Variants in RAB3IP observed in about 807,000 individuals in gnomAD.
RAB3IP encodes rab-3A-interacting protein.
RAB3IP carries 36 observed loss-of-function variants against 59.1 expected under a neutral mutation model. That is an observed-to-expected ratio of 0.61 (90% confidence interval 0.47 to 0.80). RAB3IP has a LOEUF of 0.80. Among genes scored for constraint, RAB3IP ranks in the 30% least tolerant of loss-of-function variants. The probability of loss-of-function intolerance (pLI) is 0.00; values close to 1 mark genes in which losing one functional copy is unlikely to be tolerated. For missense variants in RAB3IP, 511 were observed against 536.0 expected (o/e 0.95, Z 0.46); for synonymous variants, 207 against 191.2 (o/e 1.08, Z -0.68).
intron 3 of RAB3IP, among the ~76,000 whole-genome samples, chr12:69,780,260 A>T (rs1874459966): frequency 2.0e-5 from 3 of 152,074 alleles, no homozygotes; most frequent in African/African-American, 7.2e-5. Flanking sequence ...TAGCAAAAGG[A>T]ACTGGAGCTG....
chr12:69,769,029 A>G (rs931366115), intron 3 of RAB3IP, among the ~76,000 whole-genome samples: 9 of 152,024 alleles, frequency 5.9e-5, no homozygotes, highest in African/African-American at 1.2e-4. Context: ...CTGATACTGA[A>G]TAAGTATGAG....
chr12:69,808,295 T>A (rs10748135), intron 8 of RAB3IP, among the ~76,000 whole-genome samples: 135,137 of 152,010 alleles, frequency 0.89, 60,233 homozygotes, highest in Admixed American at 0.93. Flanking sequence ...TTTGCTGAGG[T>A]GTGCTTTACT....
Position 69,819,367 on chromosome 12 carries a change from G to C in RAB3IP, c.*3921G>C, listed in dbSNP as rs1341660765. 3 of 151,762 alleles carry C rather than the reference G, an allele frequency of 2.0e-5. No homozygotes were observed. Among genetic ancestry groups the C allele is most frequent in the African/African-American group, 7.2e-5 (3 of 41,384 alleles). The allele number at this position is 151,762 out of a possible 1,614,324, so 9.4% of individuals were successfully genotyped here. ...TTTGGGTATGTGCATAACAGAGACAGAAATTCAGTGTTTGACAGATCAAGT... is the reference window on the plus strand; with the variant it reads ...TTTGGGTATGTGCATAACAGAGACACAAATTCAGTGTTTGACAGATCAAGT... On this transcript the variant is annotated 3_prime_UTR_variant, in exon 11 of 11. Transcript: ENST00000247833.
chr12:69,815,016 G>A (rs1425759689), intron 10 of RAB3IP, among the ~76,000 whole-genome samples: 1 of 152,064 alleles, frequency 6.6e-6, no homozygotes, highest in Non-Finnish European at 1.5e-5. Flanking sequence ...AAGAAGATTC[G>A]TAAGTTAGAG....
chr12:69,792,273 G>A (rs2136224112), intron 4 of RAB3IP, among the ~76,000 whole-genome samples: 1 of 152,202 alleles, frequency 6.6e-6, no homozygotes, highest in African/African-American at 2.4e-5. Flanking sequence ...TTGCTAAGAA[G>A]GTAGATCTTG....
chr12:69,787,119 A>G (rs1875810537), intron 4 of RAB3IP, among the ~76,000 whole-genome samples: 1 of 152,152 alleles, frequency 6.6e-6, no homozygotes. Flanking sequence ...ATTATTCTGA[A>G]TAAACTCAAT....
At chr12:69,782,140 A>T (rs1353740166) in intron 3 of RAB3IP, among the ~76,000 whole-genome samples, 1 of 152,150 alleles carries the variant, frequency 6.6e-6, no homozygotes, top group Non-Finnish European at 1.5e-5. Flanking sequence ...TCTAGTAGGT[A>T]TGCAGGGTAT....
intron 4 of RAB3IP, among the ~76,000 whole-genome samples, chr12:69,789,835 C>T (rs190152922): frequency 1.3e-5 from 2 of 152,200 alleles, no homozygotes; most frequent in East Asian, 3.9e-4. Context: ...TAATAATATA[C>T]ATTATAATCT....
chr12:69,801,120 C>T (rs1290161652), intron 7 of RAB3IP, among the ~76,000 whole-genome samples: 2 of 152,118 alleles, frequency 1.3e-5, no homozygotes, highest in African/African-American at 2.4e-5. Context: ...TAGTTGCTAC[C>T]GTCTTCATCT....
intron 6 of RAB3IP, chr12:69,796,419 G>T: frequency 2.7e-6 from 1 of 373,852 alleles, no homozygotes; most frequent in Non-Finnish European, 4.8e-6. Context: ...TATACTGTGA[G>T]AATGCATTTC....
rs565463427 is a variant in RAB3IP at position 69,817,977 on chromosome 12, A to G, written c.*2531A>G. The G allele has an allele frequency of 1.3e-5, 2 of 152,220 alleles. No individual in the cohort carries two copies. Among genetic ancestry groups the G allele is most frequent in the Non-Finnish European group, 2.9e-5 (2 of 68,040 alleles). The allele number at this position is 152,220 out of a possible 1,614,324, so 9.4% of individuals were successfully genotyped here. On this transcript the variant is annotated 3_prime_UTR_variant, in exon 11 of 11. Transcript: ENST00000247833. The stretch of plus-strand genomic sequence containing the variant: ...TGCATGTGGGCCAATAAACATTAAG[A>G]GGTTTTCATCTCTCAATCAGGAAAA...
At chr12:69,791,804 C>A (rs1321364710) in intron 4 of RAB3IP, among the ~76,000 whole-genome samples, 10 of 152,190 alleles carry the variant, frequency 6.6e-5, no homozygotes, top group Admixed American at 6.5e-4. Context: ...ATCCAGCAAT[C>A]CCACTTCCAG....
chr12:69,781,428 A>G (rs1874688971), intron 3 of RAB3IP, among the ~76,000 whole-genome samples: 1 of 152,156 alleles, frequency 6.6e-6, no homozygotes, highest in Non-Finnish European at 1.5e-5. Context: ...GGTGTTGTAC[A>G]TGCTGTGGAT....
chr12:69,782,032 T>C (rs1874803683), intron 3 of RAB3IP, among the ~76,000 whole-genome samples: 1 of 152,234 alleles, frequency 6.6e-6, no homozygotes, highest in African/African-American at 2.4e-5. Context: ...CTCTTTAGCA[T>C]TTGATATTAC....
rs1267211242 is a variant in RAB3IP at position 69,819,038 on chromosome 12, A to G, written c.*3592A>G. 1 of 152,186 alleles carries G rather than the reference A, an allele frequency of 6.6e-6. No homozygotes were observed. Among genetic ancestry groups the G allele is most frequent in the East Asian group, 1.9e-4 (1 of 5,198 alleles). 9.4% of individuals were successfully genotyped at this position (152,186 alleles called of 1,614,324 possible). On this transcript the variant is annotated 3_prime_UTR_variant, in exon 11 of 11. Coordinates refer to ENST00000247833, the MANE Select transcript of RAB3IP (RefSeq NM_022456.5). Reference sequence around the variant, plus strand: ...GTGTGCTATGATTTCACCTGTGAATAGCTACTATATTCCAACCTGGGCAAC... The same window carrying G: ...GTGTGCTATGATTTCACCTGTGAATGGCTACTATATTCCAACCTGGGCAAC...
chr12:69,744,091 C>A (rs1164713560), intron 1 of RAB3IP, among the ~76,000 whole-genome samples: 1 of 151,808 alleles, frequency 6.6e-6, no homozygotes, highest in Non-Finnish European at 1.5e-5. Context: ...ACCGGTCAAC[C>A]CATCATCTAC....
chr12:69,755,546 A>G lies in RAB3IP; in HGVS notation c.138A>G (p.Ser46=). ...SPSVIYRPHP[S]ALSSVPIQAN... is the part of the protein sequence containing the mutation. Reference sequence around the variant, plus strand: ...GTGTCATCTACCGGCCACACCCTTCAGCTTTATCCTCTGTACCTATCCAGG... The same window carrying G: ...GTGTCATCTACCGGCCACACCCTTCGGCTTTATCCTCTGTACCTATCCAGG... The change falls in exon 2 of 11, where the codon TCA becomes TCG. Residue 46 remains serine (S), a synonymous_variant. Coordinates refer to ENST00000247833, the MANE Select transcript of RAB3IP (RefSeq NM_022456.5). The G allele has an allele frequency of 6.2e-7, 1 of 1,614,026 alleles. No individual in the cohort carries two copies. The highest frequency in any genetic ancestry group is 8.5e-7 in the Non-Finnish European group (1 of 1,180,016).
chr12:69,755,371 T>C lies in RAB3IP; in HGVS notation c.-25-13T>C, dbSNP rs757086505. ...TATCTAAAAATAAGTATCTGCTTTT[T>C]GTTTTAACATAGGTTATCTTATGAT... is the stretch of plus-strand genomic sequence containing the variant. On this transcript the variant is annotated splice_polypyrimidine_tract_variant and intron_variant, in intron 1 of 10. Coordinates refer to ENST00000247833, the MANE Select transcript of RAB3IP (RefSeq NM_022456.5). 2 of 1,594,158 alleles carry C rather than the reference T, an allele frequency of 1.3e-6. No individual in the cohort carries two copies. The highest frequency in any genetic ancestry group is 2.7e-5 in the African/African-American group (2 of 73,936).
Position 69,820,555 on chromosome 12 carries a change from A to AG in RAB3IP, c.*5109_*5110insG, listed in dbSNP as rs1388371391. ...TGAGTGGCTTCCCATTGCACTTAGA[A>AG]AAAAAAAAAAAAAAAAAAACTGGCC... On this transcript the variant is annotated 3_prime_UTR_variant, in exon 11 of 11. Transcript: ENST00000247833. 1.1e-5 allele frequency: 1 copy of AG among 88,786 alleles called. No individual in the cohort carries two copies. The highest frequency in any genetic ancestry group is 9.8e-5 in the Admixed American group (1 of 10,174). 5.5% of individuals were successfully genotyped at this position (88,786 alleles called of 1,614,324 possible).
Sources: gnomAD v4.1 joint callset for allele counts (sites outside exome capture counted in the v4.1 genomes callset) on GRCh38, gnomAD v4.1.1 for gene constraint, MANE v1.5 for transcripts, NCBI Gene and HGNC (gene_info 2026-07-23, HGNC 2026-07-21) for gene names.